The following NAALADL2 variants were observed in gnomAD, a reference collection of about 807,000 sequenced individuals.
NAALADL2 encodes the protein N-acetylated alpha-linked acidic dipeptidase like 2.
Under a neutral mutation model 87.2 loss-of-function variants are expected in NAALADL2, and 76 were observed. The ratio of observed to expected loss-of-function variants is 0.87; its 90% CI spans 0.72 to 1.05. The LOEUF is 1.05. Among genes scored for constraint, NAALADL2 ranks in the 50% least tolerant of loss-of-function variants. The pLI, the probability that NAALADL2 is intolerant of heterozygous loss-of-function variation, is 0.00. For missense variants in NAALADL2, 1,089 were observed against 945.8 expected, an observed-to-expected ratio of 1.15 and a Z score of -1.99; for synonymous variants, 354 against 331.0, an observed-to-expected ratio of 1.07 and a Z score of -0.75.
chr3:175,574,553 A>G (rs1718575241), intron 9 of NAALADL2, among the ~76,000 whole-genome samples: 2 of 152,132 alleles, frequency 1.3e-5, no homozygotes, highest in Non-Finnish European at 2.9e-5. Flanking sequence ...TTCCAGCTCC[A>G]GTTTCTCTTG....
chr3:175,019,661 C>A (rs1751316868), intron 1 of NAALADL2, among the ~76,000 whole-genome samples: 2 of 151,962 alleles, frequency 1.3e-5, no homozygotes, highest in Admixed American at 1.3e-4. Context: ...CAGCTTCTTT[C>A]CTCCTTCCTT....
intron 1 of NAALADL2, among the ~76,000 whole-genome samples, chr3:174,532,339 C>T (rs1228625352): frequency 6.6e-6 from 1 of 152,052 alleles, no homozygotes; most frequent in African/African-American, 2.4e-5. Flanking sequence ...GAGATGATGC[C>T]AAACCAAACT....
At chr3:174,818,633 T>G (rs1481937047) in intron 3 of NAALADL2, among the ~76,000 whole-genome samples, 1 of 152,152 alleles carries the variant, frequency 6.6e-6, no homozygotes, top group Non-Finnish European at 1.5e-5. Flanking sequence ...ACCCTGGAAT[T>G]TGCACGCCCT....
At chr3:174,477,976 A>G (rs1717313948) in intron 1 of NAALADL2, among the ~76,000 whole-genome samples, 1 of 152,212 alleles carries the variant, frequency 6.6e-6, no homozygotes, top group Non-Finnish European at 1.5e-5. Context: ...GTATCCATGA[A>G]GGAAGAGTAT....
intron 1 of NAALADL2, among the ~76,000 whole-genome samples, chr3:174,908,621 A>G (rs930911991): frequency 5.3e-5 from 8 of 152,168 alleles, no homozygotes; most frequent in Non-Finnish European, 7.3e-5. Flanking sequence ...AGTATTCATT[A>G]GAAATATAAC....
chr3:175,262,487 T>C (rs1751211215), intron 4 of NAALADL2, among the ~76,000 whole-genome samples: 4 of 151,964 alleles, frequency 2.6e-5, no homozygotes, highest in Admixed American at 6.6e-5. Flanking sequence ...TGCATTTAAT[T>C]AGTTAGCCTT....
chr3:175,209,402 A>C (rs533033557), intron 2 of NAALADL2, among the ~76,000 whole-genome samples: 85 of 152,188 alleles, frequency 5.6e-4, no homozygotes, highest in South Asian at 5.2e-3. Flanking sequence ...TAACTAGTAC[A>C]TGGTTATATT....
intron 11 of NAALADL2, among the ~76,000 whole-genome samples, chr3:175,674,256 TTTTG>T (rs1200667850): frequency 6.7e-6 from 1 of 148,494 alleles, no homozygotes; most frequent in Non-Finnish European, 1.5e-5. Flanking sequence ...TGTTTTTTTT[TTTTG>T]TTTGTTTTGT....
intron 5 of NAALADL2, among the ~76,000 whole-genome samples, chr3:175,332,553 C>T (rs2112043): frequency 2.0e-5 from 3 of 152,070 alleles, no homozygotes; most frequent in Middle Eastern, 3.4e-3. Flanking sequence ...CTCCTGCCTT[C>T]GCCTCCCAAA....
intron 2 of NAALADL2, among the ~76,000 whole-genome samples, chr3:174,581,209 T>C (rs1515596): frequency 0.32 from 48,244 of 152,006 alleles, 9,664 homozygotes; most frequent in East Asian, 0.76. Flanking sequence ...GTGCCAAGAA[T>C]CTAAATTGGA....
Position 174,941,815 on chromosome 3 carries a change from T to C in NAALADL2, c.43+82365T>C, listed in dbSNP as rs191763432. ...AAGTCTATTTTGTCTGAAATTAGGA[T>C]TGCAACCCTCTGCTTTTTTCTGTTT... On this transcript the variant is annotated intron_variant, in intron 1 of 13. Coordinates refer to ENST00000454872, the MANE Select transcript of NAALADL2 (RefSeq NM_207015.3). Among the ~76,000 whole-genome samples the C allele has an allele frequency of 1.5e-4, 23 of 152,272 alleles. 1 individual carries two copies. The East Asian group carries it at 4.1e-3, about 27-fold the overall frequency.
chr3:174,690,388 A>G (rs1218510151), intron 2 of NAALADL2, among the ~76,000 whole-genome samples: 1 of 152,186 alleles, frequency 6.6e-6, no homozygotes, highest in African/African-American at 2.4e-5. Context: ...TCATTAATTA[A>G]CATTTATCTG....
At chr3:175,572,304 C>T (rs1047655101) in intron 9 of NAALADL2, among the ~76,000 whole-genome samples, 11 of 151,494 alleles carry the variant, frequency 7.3e-5, no homozygotes, top group Admixed American at 2.0e-4. Flanking sequence ...ATAAATAGTC[C>T]ACATGTAGCA....
intron 11 of NAALADL2, among the ~76,000 whole-genome samples, chr3:175,686,544 ACT>A (rs970875800): frequency 2.0e-5 from 3 of 152,150 alleles, no homozygotes; most frequent in African/African-American, 7.2e-5. Flanking sequence ...ACATATTAAT[ACT>A]CTTTTAGGTA....
intron 11 of NAALADL2, among the ~76,000 whole-genome samples, chr3:175,628,216 A>G (rs947319602): frequency 4.6e-5 from 7 of 151,748 alleles, no homozygotes; most frequent in African/African-American, 1.2e-4. Flanking sequence ...TGAGACATTC[A>G]AGACTTTTTT....
At chr3:175,715,547 G>A (rs1285129715) in intron 11 of NAALADL2, among the ~76,000 whole-genome samples, 1 of 152,044 alleles carries the variant, frequency 6.6e-6, no homozygotes, top group East Asian at 1.9e-4. Flanking sequence ...ATCAAAGAAT[G>A]TTAGGACGTC....
At chr3:174,634,207 A>G (rs1323637804) in intron 2 of NAALADL2, among the ~76,000 whole-genome samples, 2 of 152,070 alleles carry the variant, frequency 1.3e-5, no homozygotes. Flanking sequence ...AAATATTAAT[A>G]CCCTTTCCTG....
intron 2 of NAALADL2, among the ~76,000 whole-genome samples, chr3:175,098,049 C>T (rs1354628662): frequency 6.6e-6 from 1 of 152,204 alleles, no homozygotes; most frequent in Admixed American, 6.5e-5. Context: ...GAAGATGTGT[C>T]ACTTAATTCA....
intron 11 of NAALADL2, among the ~76,000 whole-genome samples, chr3:175,702,072 TC>T (rs1553954571): frequency 2.6e-5 from 4 of 152,188 alleles, no homozygotes; most frequent in Non-Finnish European, 5.9e-5. Flanking sequence ...CTGTTTTTTT[TC>T]TTCAGAAAAT....
Sources: allele counts gnomAD v4.1 joint callset (sites outside exome capture counted in the v4.1 genomes callset), GRCh38; gene constraint gnomAD v4.1.1; transcripts MANE v1.5; gene names NCBI Gene and HGNC (gene_info 2026-07-23, HGNC 2026-07-21).